Variants in ANK2 observed in about 807,000 individuals in gnomAD.
ANK2 encodes ankyrin-2.
A neutral mutation model predicts 360.5 loss-of-function variants in ANK2; 83 were observed. The observed-to-expected ratio is 0.23, with a 90% CI of 0.19 to 0.28. The LOEUF (loss-of-function observed/expected upper bound fraction) is 0.28, where lower values mean the gene tolerates loss of function less well. ANK2 is among the 10% of genes least tolerant of loss of function. The pLI, the probability that ANK2 is intolerant of heterozygous loss-of-function variation, is 1.00. For missense variants in ANK2, 4,201 were observed against 4,795.7 expected (o/e 0.88, Z 3.66); for synonymous variants, 1,740 against 1,759.5 (o/e 0.99, Z 0.28).
chr4:113,243,210 A>G (rs911714509), intron 9 of ANK2, among the ~76,000 whole-genome samples: 1 of 152,194 alleles, frequency 6.6e-6, no homozygotes, highest in African/African-American at 2.4e-5. Flanking sequence ...ATAAAAGTCT[A>G]TGTTAATATG....
chr4:113,164,635 G>A (rs2097687446), intron 1 of ANK2, among the ~76,000 whole-genome samples: 2 of 152,186 alleles, frequency 1.3e-5, no homozygotes, highest in African/African-American at 2.4e-5. Flanking sequence ...CCTCAAGGGG[G>A]CAAGAGTAAA....
intron 2 of ANK2, chr4:112,979,814 T>C (rs901662866): frequency 6.6e-6 from 1 of 152,182 alleles, no homozygotes; most frequent in African/African-American, 2.4e-5. Flanking sequence ...CGGTGGTTTT[T>C]ACGGACTCAG....
At chr4:112,837,272 C>G (rs901724820) in intron 1 of ANK2, among the ~76,000 whole-genome samples, 1 of 152,216 alleles carries the variant, frequency 6.6e-6, no homozygotes, top group Non-Finnish European at 1.5e-5. Context: ...GGTGTTGGGC[C>G]TGTGGGTACA....
chr4:113,055,712 A>G (rs1374545516), intron 1 of ANK2, among the ~76,000 whole-genome samples: 1 of 152,160 alleles, frequency 6.6e-6, no homozygotes, highest in African/African-American at 2.4e-5. Context: ...AGTTTCATAG[A>G]TGAGAAACTG....
chr4:113,348,613 C>T (rs2095149405), intron 36 of ANK2, among the ~76,000 whole-genome samples: 1 of 151,960 alleles, frequency 6.6e-6, no homozygotes, highest in South Asian at 2.1e-4. Flanking sequence ...GTGGTTGAAA[C>T]TCTTTTTGTA....
intron 1 of ANK2, among the ~76,000 whole-genome samples, chr4:113,057,265 A>G (rs950534965): frequency 2.6e-5 from 4 of 152,220 alleles, no homozygotes; most frequent in African/African-American, 9.6e-5. Context: ...AAGAAACTCT[A>G]CAGGATTCTG....
Position 113,151,286 on chromosome 4 carries a change from G to A in ANK2, c.85-23130G>A, listed in dbSNP as rs1419600371. ...GTGTAGCTACAAAAGAATACCCGAA[G>A]CTGGGTAATTTATAAAGAAAAGAGG... On this transcript the variant is annotated intron_variant, in intron 1 of 45. Transcript: ENST00000357077. 4 of 491,028 alleles carry A rather than the reference G, an allele frequency of 8.1e-6. No homozygotes were observed. In the Admixed American group the frequency reaches 1.5e-4, roughly 19 times the overall value. The allele number at this position is 491,028 out of a possible 1,614,324, so 30.4% of individuals were successfully genotyped here. A position where few individuals can be genotyped will look rare whatever the true frequency, so the allele number is the denominator to read the frequency against.
chr4:113,059,012 C>T (rs911605905), intron 1 of ANK2, among the ~76,000 whole-genome samples: 6 of 152,098 alleles, frequency 3.9e-5, no homozygotes, highest in Admixed American at 3.9e-4. Context: ...CAGATGATGC[C>T]TTCTCTCTGT....
At chr4:113,078,339 T>C (rs908838626) in intron 1 of ANK2, among the ~76,000 whole-genome samples, 5 of 152,206 alleles carry the variant, frequency 3.3e-5, no homozygotes, top group African/African-American at 1.2e-4. Flanking sequence ...TGTGATGTCA[T>C]TGGCAGAAGC....
At chr4:113,190,663 G>A (rs1170456143) in intron 2 of ANK2, among the ~76,000 whole-genome samples, 1 of 152,094 alleles carries the variant, frequency 6.6e-6, no homozygotes, top group Non-Finnish European at 1.5e-5. Flanking sequence ...GGCCAGGGAG[G>A]TGAAAAGGGG....
intron 1 of ANK2, among the ~76,000 whole-genome samples, chr4:113,171,014 T>A (rs1446524818): frequency 6.6e-6 from 1 of 152,222 alleles, no homozygotes; most frequent in Non-Finnish European, 1.5e-5. Flanking sequence ...GAGGATAGTC[T>A]TACATTTGTC....
At chr4:113,079,650 CT>C (rs1373040345) in intron 1 of ANK2, among the ~76,000 whole-genome samples, 1 of 152,202 alleles carries the variant, frequency 6.6e-6, no homozygotes, top group East Asian at 1.9e-4. Flanking sequence ...CTTTTTTAAA[CT>C]TCTTCGTTGA....
intron 29 of ANK2, among the ~76,000 whole-genome samples, chr4:113,335,098 G>A (rs1040365214): frequency 6.6e-6 from 1 of 151,964 alleles, no homozygotes; most frequent in Non-Finnish European, 1.5e-5. Context: ...GATCTATATA[G>A]TGCACATTTT....
At chr4:113,297,460 G>C (rs973694143) in intron 22 of ANK2, among the ~76,000 whole-genome samples, 7 of 151,860 alleles carry the variant, frequency 4.6e-5, no homozygotes, top group African/African-American at 1.7e-4. Context: ...TGAGGTGATG[G>C]ATATCCCAAT....
At chr4:112,706,934 T>C in the ANK2 span, 1 of 152,166 alleles carries the variant, frequency 6.6e-6, no homozygotes, top group Admixed American at 6.6e-5. Flanking sequence ...CTCCATCTGG[T>C]TGTGATCTGT....
chr4:112,861,886 C>T (rs912631708), intron 1 of ANK2, among the ~76,000 whole-genome samples: 6 of 105,386 alleles, frequency 5.7e-5, no homozygotes, highest in Admixed American at 1.1e-4. Flanking sequence ...ACAGTTTATG[C>T]GAGAGTCACA....
At position 113,358,826 on chromosome 4, in the gene ANK2, G is replaced by T. The variant is rs766013939; in HGVS notation, c.10208G>T (p.Cys3403Phe). Residue 3403 changes from cysteine to phenylalanine, a missense_variant, in exon 38 of 46, where the codon TGC (cysteine) becomes TTC (phenylalanine). Physicochemically the swap from Cys to Phe is radical, Grantham distance 205. Around this residue, in one of 4 missense-constraint regions of ANK2, gnomAD observed 2,642 missense variants for 2,714.5 expected, o/e 0.97. Coordinates refer to ENST00000357077, the MANE Select transcript of ANK2 (RefSeq NM_001148.6). Reference protein sequence around the residue: ...DASSLDSKTKCPVKTRSYTET... With the variant: ...DASSLDSKTKFPVKTRSYTET... The stretch of plus-strand genomic sequence containing the variant: ...AGTTCTTTGGATTCAAAGACCAAAT[G>T]CCCAGTAAAAACCCGAAGTTACACT... 1 of 1,613,938 alleles carries T rather than the reference G, an allele frequency of 6.2e-7. No individual in the cohort carries two copies. Among genetic ancestry groups the T allele is most frequent in the Non-Finnish European group, 8.5e-7 (1 of 1,179,982 alleles).
intron 4 of ANK2, among the ~76,000 whole-genome samples, chr4:113,204,036 C>G (rs952608958): frequency 6.6e-6 from 1 of 152,046 alleles, no homozygotes; most frequent in African/African-American, 2.4e-5. Flanking sequence ...GCTGTTACCA[C>G]CAAGGAAATC....
rs569357746 is a variant in ANK2 at position 112,942,495 on chromosome 4, C to T, written c.21+37981C>T. 8.1e-4 allele frequency among the ~76,000 whole-genome samples: 124 copies of T among 152,174 alleles called. 1 individual carries two copies. Among genetic ancestry groups the T allele is most frequent in the Non-Finnish European group, 6.2e-4 (42 of 67,948 alleles). On this transcript the variant is annotated intron_variant, in intron 2 of 30. Transcript: ENST00000503271. ...ATGAGAAAACTGGGCAAACTCACAA[C>T]AAGCAAGGGGTGGGTCAGGATTTGA...
Sources: allele counts gnomAD v4.1 joint callset (sites outside exome capture counted in the v4.1 genomes callset), GRCh38; gene constraint gnomAD v4.1.1; regional missense constraint gnomAD v4.1.1; transcripts MANE v1.5; gene names NCBI Gene and HGNC (gene_info 2026-07-23, HGNC 2026-07-21).